The following CLSTN2 variants were observed in gnomAD, a reference collection of about 807,000 sequenced individuals.
CLSTN2 encodes calsyntenin 2.
CLSTN2 carries 48 observed loss-of-function variants against 101.2 expected under a neutral mutation model. That is an observed-to-expected ratio of 0.47 (90% CI 0.38 to 0.60). The LOEUF (loss-of-function observed/expected upper bound fraction) is 0.60, where lower values mean the gene tolerates loss of function less well. CLSTN2 is among the 20% of genes least tolerant of loss of function. The pLI is 0.00. For missense variants in CLSTN2, 1,160 were observed against 1,238.2 expected (o/e 0.94, Z 0.95); for synonymous variants, 481 against 463.6 (o/e 1.04, Z -0.48).
At chr3:140,230,747 G>A (rs2086363944) in intron 2 of CLSTN2, among the ~76,000 whole-genome samples, 1 of 152,172 alleles carries the variant, frequency 6.6e-6, no homozygotes, top group African/African-American at 2.4e-5. Flanking sequence ...ATGGTATTTT[G>A]TTATACCAGC....
intron 2 of CLSTN2, among the ~76,000 whole-genome samples, chr3:140,385,357 C>CTTTT (rs546696189): frequency 0.012 from 862 of 72,834 alleles, 115 homozygotes; most frequent in African/African-American, 0.052. Context: ...CCCTGATGTT[C>CTTTT]TTTTTTTTTT....
At chr3:140,018,798 G>A (rs773895444) in intron 1 of CLSTN2, among the ~76,000 whole-genome samples, 17 of 152,174 alleles carry the variant, frequency 1.1e-4, no homozygotes, top group Non-Finnish European at 2.4e-4. Context: ...AGTCACTCAA[G>A]ATAAGGAGAT....
intron 2 of CLSTN2, among the ~76,000 whole-genome samples, chr3:140,189,987 C>T (rs780416812): frequency 2.0e-5 from 3 of 152,286 alleles, no homozygotes; most frequent in Middle Eastern, 3.4e-3. Context: ...TTGATTTCTG[C>T]TGAGGGCCTT....
intron 1 of CLSTN2, among the ~76,000 whole-genome samples, chr3:140,118,674 A>G (rs1295418749): frequency 6.6e-6 from 1 of 152,156 alleles, no homozygotes; most frequent in Non-Finnish European, 1.5e-5. Context: ...TGCATTGGAT[A>G]GGTGGGGGGC....
chr3:140,195,771 T>A (rs796211691), intron 2 of CLSTN2, among the ~76,000 whole-genome samples: 25 of 152,336 alleles, frequency 1.6e-4, no homozygotes, highest in African/African-American at 6.0e-4. Flanking sequence ...TGAATTTTAC[T>A]TGAAGTTACC....
rs142015908 is a variant in CLSTN2, at chr3:140,448,623, G to A, written c.892G>A (p.Val298Ile). ...CDGAVSSLQIVTELQTNYIGK... is the reference protein window; with the variant it reads ...CDGAVSSLQIITELQTNYIGK... Reference sequence around the variant, plus strand: ...TGGAGCCGTGTCTTCCCTCCAGATCGTCACAGAGCTGCAGACTAATTACAT... The same window carrying A: ...TGGAGCCGTGTCTTCCCTCCAGATCATCACAGAGCTGCAGACTAATTACAT... The change falls in exon 6 of 17, where the codon GTC (valine) becomes ATC (isoleucine). Residue 298 changes from valine to isoleucine, a missense_variant. Coordinates refer to ENST00000458420, the MANE Select transcript of CLSTN2 (RefSeq NM_022131.3). The A allele has an allele frequency of 5.5e-5, 88 of 1,614,076 alleles. No homozygotes were observed. The highest frequency in any genetic ancestry group is 2.1e-4 in the African/African-American group (16 of 75,012).
intron 6 of CLSTN2, among the ~76,000 whole-genome samples, chr3:140,456,939 A>G (rs1933416359): frequency 6.6e-6 from 1 of 152,114 alleles, no homozygotes. Context: ...CACCCCATGC[A>G]TGGTCCTCTC....
chr3:140,070,839 G>A (rs1365497900), intron 1 of CLSTN2, among the ~76,000 whole-genome samples: 1 of 151,998 alleles, frequency 6.6e-6, no homozygotes, highest in East Asian at 1.9e-4. Flanking sequence ...GGTTATGTAT[G>A]GTCTGTGGCT....
intron 1 of CLSTN2, among the ~76,000 whole-genome samples, chr3:140,015,448 G>C (rs2007181093): frequency 6.6e-6 from 1 of 152,184 alleles, no homozygotes; most frequent in African/African-American, 2.4e-5. Context: ...AGGGTCACAG[G>C]AGTAGGAGTA....
At chr3:139,964,728 T>C (rs1447353833) in intron 1 of CLSTN2, among the ~76,000 whole-genome samples, 2 of 152,188 alleles carry the variant, frequency 1.3e-5, no homozygotes, top group Non-Finnish European at 2.9e-5. Flanking sequence ...CCCAGGAACC[T>C]GGACATTGTG....
At chr3:139,959,080 C>T (rs1935457565) in intron 1 of CLSTN2, among the ~76,000 whole-genome samples, 1 of 151,986 alleles carries the variant, frequency 6.6e-6, no homozygotes. Context: ...TCTTTCTCTA[C>T]CTTGGGCAAT....
chr3:140,200,261 A>G (rs1681322062), intron 2 of CLSTN2, among the ~76,000 whole-genome samples: 1 of 152,100 alleles, frequency 6.6e-6, no homozygotes, highest in Admixed American at 6.5e-5. Flanking sequence ...TTTTAAGATA[A>G]TTTTTTTGAA....
chr3:140,038,884 T>C (rs2007710127), intron 1 of CLSTN2, among the ~76,000 whole-genome samples: 1 of 152,212 alleles, frequency 6.6e-6, no homozygotes, highest in African/African-American at 2.4e-5. Context: ...GTTAAAGTGA[T>C]CTGATATTGG....
chr3:139,953,560 T>C (rs1280045463), intron 1 of CLSTN2, among the ~76,000 whole-genome samples: 1 of 152,146 alleles, frequency 6.6e-6, no homozygotes, highest in African/African-American at 2.4e-5. Flanking sequence ...TTGCCAAGTG[T>C]GGCAGGTCAG....
chr3:140,080,328 T>C (rs904469899), intron 1 of CLSTN2, among the ~76,000 whole-genome samples: 8 of 152,218 alleles, frequency 5.3e-5, no homozygotes, highest in Non-Finnish European at 1.0e-4. Flanking sequence ...AGAATTGTAA[T>C]AGCTGTATCC....
intron 2 of CLSTN2, among the ~76,000 whole-genome samples, chr3:140,363,115 A>G (rs2087747130): frequency 6.6e-6 from 1 of 152,240 alleles, no homozygotes; most frequent in Non-Finnish European, 1.5e-5. Flanking sequence ...ACAATATGGT[A>G]TATCTATACA....
intron 2 of CLSTN2, among the ~76,000 whole-genome samples, chr3:140,193,223 T>C (rs1205412620): frequency 6.6e-6 from 1 of 151,220 alleles, no homozygotes. Flanking sequence ...ATCTTGTTCT[T>C]TCTTCTTTTC....
intron 6 of CLSTN2, among the ~76,000 whole-genome samples, chr3:140,455,749 C>A (rs1933382816): frequency 6.6e-6 from 1 of 152,176 alleles, no homozygotes; most frequent in Admixed American, 6.5e-5. Context: ...CCAAGGGATC[C>A]CTGGGGAGAA....
At chr3:139,957,400 C>A (rs1935426999) in intron 1 of CLSTN2, among the ~76,000 whole-genome samples, 1 of 152,168 alleles carries the variant, frequency 6.6e-6, no homozygotes, top group Non-Finnish European at 1.5e-5. Flanking sequence ...TTCTCTATGT[C>A]ATCTTAAAAT....
Sources: allele counts gnomAD v4.1 joint callset (sites outside exome capture counted in the v4.1 genomes callset), GRCh38; gene constraint gnomAD v4.1.1; transcripts MANE v1.5; gene names NCBI Gene and HGNC (gene_info 2026-07-23, HGNC 2026-07-21).